CREB5: variants seen among roughly 807,000 people sequenced by gnomAD.
CREB5 encodes the protein cyclic AMP-responsive element-binding protein 5.
A neutral mutation model predicts 57.1 loss-of-function variants in CREB5; 19 were observed. The observed-to-expected ratio is 0.33, with a 90% CI of 0.23 to 0.49. The LOEUF (loss-of-function observed/expected upper bound fraction) is 0.49, where lower values mean the gene tolerates loss of function less well. Ranked by LOEUF, CREB5 falls within the 20% of genes least tolerant of loss-of-function variation. The probability of loss-of-function intolerance (pLI) is 0.99; values close to 1 mark genes in which losing one functional copy is unlikely to be tolerated. For synonymous variants in CREB5, 238 were observed against 238.3 expected, an observed-to-expected ratio of 1.00 and a Z score of 0.01; for missense variants, 579 against 671.6, an observed-to-expected ratio of 0.86 and a Z score of 1.52.
intron 1 of CREB5, among the ~76,000 whole-genome samples, chr7:28,365,643 C>T (rs190184126): frequency 1.5e-4 from 23 of 152,294 alleles, no homozygotes; most frequent in African/African-American, 5.3e-4. Context: ...CTCTCTTCAA[C>T]AGATTCCAAC....
At chr7:28,385,341 G>A (rs1282772037) in intron 1 of CREB5, among the ~76,000 whole-genome samples, 1 of 152,104 alleles carries the variant, frequency 6.6e-6, no homozygotes, top group Non-Finnish European at 1.5e-5. Context: ...TCTTCTGCAG[G>A]TTTCTTGACT....
rs1326535371 is a variant in CREB5, at chr7:28,718,729, T to C, written c.465-24T>C. 17 of 1,612,228 alleles carry C rather than the reference T, an allele frequency of 1.1e-5. No homozygotes were observed. In the Admixed American group the frequency reaches 2.8e-4, roughly 27 times the overall value. ...GGGCCAGGGCACCAGGAATCATGTT[T>C]GTTTGTTTTTTTCTTTGTCCCAGGC... On this transcript the variant is annotated intron_variant, in intron 5 of 10. Coordinates refer to ENST00000357727, the MANE Select transcript of CREB5 (RefSeq NM_182898.4).
At chr7:28,385,629 A>G (rs1787074322) in intron 1 of CREB5, among the ~76,000 whole-genome samples, 1 of 151,816 alleles carries the variant, frequency 6.6e-6, no homozygotes, top group Non-Finnish European at 1.5e-5. Flanking sequence ...GTGAGCCATG[A>G]TCACACCACT....
chr7:28,656,667 A>G (rs1799343834), intron 5 of CREB5, among the ~76,000 whole-genome samples: 1 of 152,164 alleles, frequency 6.6e-6, no homozygotes, highest in Admixed American at 6.5e-5. Flanking sequence ...CTCTCAGGAA[A>G]AGGGGCTGAG....
chr7:28,400,231 T>C (rs1483587474), intron 1 of CREB5, among the ~76,000 whole-genome samples: 1 of 152,192 alleles, frequency 6.6e-6, no homozygotes, highest in African/African-American at 2.4e-5. Flanking sequence ...AAACTCAACT[T>C]CCTTACTTAT....
chr7:28,471,482 A>G (rs1790803250), intron 1 of CREB5, among the ~76,000 whole-genome samples: 1 of 152,126 alleles, frequency 6.6e-6, no homozygotes, highest in Non-Finnish European at 1.5e-5. Context: ...ATAGCTCAGT[A>G]TAATTTGGCT....
intron 7 of CREB5, among the ~76,000 whole-genome samples, chr7:28,774,586 C>T (rs1225844578): frequency 2.0e-5 from 3 of 152,134 alleles, no homozygotes; most frequent in Admixed American, 2.0e-4. Flanking sequence ...ATTGCCAACC[C>T]TTCGACTCTG....
intron 1 of CREB5, among the ~76,000 whole-genome samples, chr7:28,454,188 C>T (rs967328000): frequency 1.3e-5 from 2 of 152,092 alleles, no homozygotes; most frequent in African/African-American, 4.8e-5. Flanking sequence ...CTCCTGACCT[C>T]GTGGTCTGCC....
chr7:28,656,280 G>A lies in CREB5; in HGVS notation c.465-62473G>A, dbSNP rs145454244. ...ATAAAAACAACAAAGAAATTATGAA[G>A]ATGAAGACGAGAGAGGTTTTTTGAG... On this transcript the variant is annotated intron_variant, in intron 5 of 10. Transcript: ENST00000357727. Among the ~76,000 whole-genome samples the A allele has an allele frequency of 4.2e-3, 639 of 152,262 alleles. 9 individuals carry two copies. Among genetic ancestry groups the A allele is most frequent in the African/African-American group, 0.015 (620 of 41,560 alleles).
intron 5 of CREB5, among the ~76,000 whole-genome samples, chr7:28,575,541 G>A (rs35232314): frequency 0.22 from 33,141 of 152,200 alleles, 3,981 homozygotes; most frequent in East Asian, 0.43. Flanking sequence ...ATCTACCACA[G>A]GCTAATGCTG....
At chr7:28,747,581 G>A (rs1228937231) in intron 7 of CREB5, among the ~76,000 whole-genome samples, 2 of 152,178 alleles carry the variant, frequency 1.3e-5, no homozygotes, top group Non-Finnish European at 1.5e-5. Context: ...CCGAAGCTGA[G>A]CAGAGAGTAG....
At chr7:28,816,687 C>T (rs76027934) in intron 9 of CREB5, among the ~76,000 whole-genome samples, 4 of 151,998 alleles carry the variant, frequency 2.6e-5, no homozygotes, top group African/African-American at 9.7e-5. Flanking sequence ...TTTTTTTTAG[C>T]GCAACTTCTA....
intron 5 of CREB5, among the ~76,000 whole-genome samples, chr7:28,597,797 G>A (rs925348591): frequency 1.3e-5 from 2 of 152,152 alleles, no homozygotes; most frequent in Admixed American, 6.5e-5. Flanking sequence ...TGGGGACCAG[G>A]ATGGTCTCCA....
chr7:28,542,241 C>T (rs1794236822), intron 4 of CREB5, among the ~76,000 whole-genome samples: 1 of 152,188 alleles, frequency 6.6e-6, no homozygotes, highest in African/African-American at 2.4e-5. Flanking sequence ...CCTAAAGTAA[C>T]ACAGTTAGCA....
chr7:28,507,020 T>A (rs1792507856), intron 3 of CREB5, among the ~76,000 whole-genome samples: 1 of 152,246 alleles, frequency 6.6e-6, no homozygotes, highest in Admixed American at 6.5e-5. Context: ...AATGACATTT[T>A]TAAAGGATGA....
In CREB5 at chr7:28,644,188, A is replaced by AGGAAG. The variant is rs200163074; in HGVS notation, c.464+73669_464+73673dup. Among the ~76,000 whole-genome samples the AGGAAG allele has an allele frequency of 1.9e-4, 29 of 152,144 alleles. No individual in the cohort carries two copies. The East Asian group carries it at 2.5e-3, about 13-fold the overall frequency. On this transcript the variant is annotated intron_variant, in intron 5 of 10. Coordinates refer to ENST00000357727, the MANE Select transcript of CREB5 (RefSeq NM_182898.4). ...GAAAGAGAAAGAAAGAAAAAGGGAA[A>AGGAAG]GGAAGGGAAGGGAAGGGAAGGGGAG...
At chr7:28,814,013 AT>A (rs1809278142) in intron 9 of CREB5, among the ~76,000 whole-genome samples, 1 of 152,192 alleles carries the variant, frequency 6.6e-6, no homozygotes, top group African/African-American at 2.4e-5. Flanking sequence ...CAAAATGGTG[AT>A]TTTCCTCAAT....
intron 1 of CREB5, among the ~76,000 whole-genome samples, chr7:28,420,449 T>A (rs1292755021): frequency 6.6e-6 from 1 of 152,048 alleles, no homozygotes; most frequent in East Asian, 1.9e-4. Flanking sequence ...ACATAGGGGG[T>A]TCTGGAGATT....
chr7:28,306,911 T>C (rs943766775), intron 1 of CREB5, among the ~76,000 whole-genome samples: 8 of 152,120 alleles, frequency 5.3e-5, no homozygotes, highest in Non-Finnish European at 1.0e-4. Flanking sequence ...ACATATGAAA[T>C]GTGAGAATGA....
Sources: gnomAD v4.1 joint callset for allele counts (sites outside exome capture counted in the v4.1 genomes callset) on GRCh38, gnomAD v4.1.1 for gene constraint, MANE v1.5 for transcripts, NCBI Gene and HGNC (gene_info 2026-07-23, HGNC 2026-07-21) for gene names.